The following PSTPIP1 variants were observed in gnomAD, a reference collection of about 807,000 sequenced individuals.
PSTPIP1 encodes proline-serine-threonine phosphatase interacting protein 1, also known as proline-serine-threonine phosphatase-interacting protein 1.
In PSTPIP1, 66 loss-of-function variants were observed where a neutral mutation model predicts 69.6. The ratio of observed to expected loss-of-function variants is 0.95; its 90% CI spans 0.78 to 1.16. The LOEUF is 1.16. PSTPIP1 is among the 50% of genes most tolerant of loss of function. The pLI is 0.00. For synonymous variants in PSTPIP1, 266 were observed against 222.7 expected, an observed-to-expected ratio of 1.19 and a Z score of -1.73; for missense variants, 603 against 557.4, an observed-to-expected ratio of 1.08 and a Z score of -0.82.
intron 7 of PSTPIP1, among the ~76,000 whole-genome samples, 153 bp downstream of exon 7, chr15:77,028,805 G>C (rs2076348364): frequency 6.6e-6 from 1 of 152,230 alleles, no homozygotes; most frequent in South Asian, 2.1e-4. Flanking sequence ...TGTGAAATGG[G>C]TTTCCTGGAG....
chr15:77,020,873 G>T (rs962793066), intron 3 of PSTPIP1, among the ~76,000 whole-genome samples: 13 of 142,364 alleles, frequency 9.1e-5, no homozygotes, highest in South Asian at 6.7e-4. Flanking sequence ...TCCTGTGGGG[G>T]GGGGGGGTGT....
chr15:76,995,810 G>A (rs114245955), intron 1 of PSTPIP1, among the ~76,000 whole-genome samples: 325 of 152,302 alleles, frequency 2.1e-3, no homozygotes, highest in South Asian at 3.9e-3. Flanking sequence ...GTGAATGAGC[G>A]TCCTCCTCTC....
intron 8 of PSTPIP1, 142 bp downstream of exon 8, chr15:77,029,716 G>A (rs973050556): frequency 1.5e-5 from 15 of 1,030,006 alleles, no homozygotes; most frequent in East Asian, 8.0e-5. Context: ...GATATGTGCC[G>A]TCAAAGTAAA....
intron 9 of PSTPIP1, 78 bp downstream of exon 9, chr15:77,030,659 G>T: frequency 7.2e-7 from 1 of 1,387,168 alleles, no homozygotes; most frequent in East Asian, 2.5e-5. Context: ...CTGCTTAAAG[G>T]GGCCCAAGTG....
intron 1 of PSTPIP1, among the ~76,000 whole-genome samples, chr15:77,002,638 A>G (rs965810798): frequency 9.2e-5 from 14 of 152,172 alleles, no homozygotes; most frequent in African/African-American, 3.1e-4. Context: ...CTCAGGTGTT[A>G]GAAGATTGCA....
intron 1 of PSTPIP1, among the ~76,000 whole-genome samples, chr15:77,006,472 C>G (rs1483397694): frequency 4.6e-5 from 7 of 152,168 alleles, no homozygotes; most frequent in Non-Finnish European, 8.8e-5. Flanking sequence ...TGTGTCTACT[C>G]TTTGTTTTGT....
rs555010436 is a variant in PSTPIP1, at chr15:77,018,641, G to A, written c.212+110G>A. Reference sequence around the variant, plus strand: ...ATGGGGGAGGCTGGGCAGAACCAGGGTAGGTCTGGATTGCTCCTTGGTGCC... The same window carrying A: ...ATGGGGGAGGCTGGGCAGAACCAGGATAGGTCTGGATTGCTCCTTGGTGCC... On this transcript the variant is annotated intron_variant, in intron 3 of 14. Coordinates refer to ENST00000558012, the MANE Select transcript of PSTPIP1 (RefSeq NM_003978.5). The A allele has an allele frequency of 5.9e-5, 72 of 1,214,268 alleles. No individual in the cohort carries two copies. In the East Asian group the frequency reaches 1.7e-3, roughly 29 times the overall value. The allele number at this position is 1,214,268 out of a possible 1,614,324, so 75.2% of individuals were successfully genotyped here.
In PSTPIP1 at chr15:77,032,363, C is replaced by G; in HGVS notation, c.807C>G (p.Ile269Met). The stretch of plus-strand genomic sequence containing the variant: ...TAGACGCCGACATCGACAGTTTCAT[C>G]CAGGCCAAGAGCACGGGCACAGAGC... ...CSIDADIDSF[I>M]QAKSTGTEPP... Residue 269 changes from isoleucine (I) to methionine (M), a missense_variant, in exon 11 of 15, where the codon ATC becomes ATG. Physicochemically the swap from Ile to Met is conservative, Grantham distance 10. Coordinates refer to ENST00000558012, the MANE Select transcript of PSTPIP1 (RefSeq NM_003978.5). 5 of 1,612,698 alleles carry G rather than the reference C, an allele frequency of 3.1e-6. No individual in the cohort carries two copies. Among genetic ancestry groups the G allele is most frequent in the Non-Finnish European group, 4.2e-6 (5 of 1,179,788 alleles).
upstream of PSTPIP1, chr15:76,994,779 G>A (rs760741524): frequency 1.8e-5 from 23 of 1,289,014 alleles, no homozygotes; most frequent in African/African-American, 3.0e-5. Context: ...TCCCAGAGCA[G>A]CCAGGGTTTG....
chr15:77,000,498 CACACAT>C (rs1222944125), intron 1 of PSTPIP1, among the ~76,000 whole-genome samples: 23 of 149,398 alleles, frequency 1.5e-4, no homozygotes, highest in South Asian at 4.2e-4. Context: ...CACACACACA[CACACAT>C]ACACACACAC....
intron 1 of PSTPIP1, among the ~76,000 whole-genome samples, chr15:77,014,162 C>T (rs866262158): frequency 4.6e-5 from 7 of 152,126 alleles, no homozygotes; most frequent in African/African-American, 7.2e-5. Context: ...CAGCTGCACC[C>T]GGCAGGTCCC....
chr15:77,037,399 G>A lies in PSTPIP1; in HGVS notation c.*223G>A. Reference sequence around the variant, plus strand: ...GTGTCCGAGTGCTCAGTTCAGAGGAGGCAAAGGAACAAGGGAAGGAGCCTG... The same window carrying A: ...GTGTCCGAGTGCTCAGTTCAGAGGAAGCAAAGGAACAAGGGAAGGAGCCTG... On this transcript the variant is annotated 3_prime_UTR_variant, in exon 15 of 15. Coordinates refer to ENST00000558012, the MANE Select transcript of PSTPIP1 (RefSeq NM_003978.5). The A allele has an allele frequency of 6.1e-6, 3 of 494,906 alleles. No individual in the cohort carries two copies. The highest frequency in any genetic ancestry group is 4.2e-5 in the East Asian group (1 of 23,742). The allele number at this position is 494,906 out of a possible 1,614,324, so 30.7% of individuals were successfully genotyped here.
At chr15:77,022,190 G>A (rs145198321) in intron 3 of PSTPIP1, among the ~76,000 whole-genome samples, 4 of 152,324 alleles carry the variant, frequency 2.6e-5, no homozygotes, top group East Asian at 1.9e-4. Flanking sequence ...ACATTGCTGA[G>A]GATATTGGCG....
intron 1 of PSTPIP1, among the ~76,000 whole-genome samples, chr15:77,012,747 A>G (rs977524104): frequency 1.3e-5 from 2 of 152,220 alleles, no homozygotes; most frequent in Non-Finnish European, 2.9e-5. Flanking sequence ...GGACTGTTGT[A>G]AGAAGTAGAG....
chr15:77,021,027 C>T (rs955513118), intron 3 of PSTPIP1, among the ~76,000 whole-genome samples: 2 of 152,218 alleles, frequency 1.3e-5, no homozygotes, highest in African/African-American at 4.8e-5. Context: ...ATGCTCATTC[C>T]CTGCCCCTTG....
intron 5 of PSTPIP1, 97 bp downstream of exon 5, chr15:77,025,701 G>T (rs2152684086): frequency 2.1e-5 from 19 of 895,412 alleles, no homozygotes; most frequent in East Asian, 3.1e-5. Context: ...AGAGCCAGTG[G>T]AGGGCGGCAG....
intron 1 of PSTPIP1, among the ~76,000 whole-genome samples, chr15:77,000,494 CACACACACAT>C (rs2075684618): frequency 2.0e-5 from 3 of 149,092 alleles, no homozygotes; most frequent in Non-Finnish European, 2.9e-5. Context: ...CACACACACA[CACACACACAT>C]ACACACACAC....
chr15:77,009,535 C>G (rs1260715792), intron 1 of PSTPIP1, among the ~76,000 whole-genome samples: 5 of 152,322 alleles, frequency 3.3e-5, no homozygotes, highest in African/African-American at 1.2e-4. Flanking sequence ...AGTGTCCCAG[C>G]TAGGATCAAA....
Position 77,032,376 on chromosome 15 carries a change from A to G in PSTPIP1, c.820A>G (p.Thr274Ala). 2 of 1,612,682 alleles carry G rather than the reference A, an allele frequency of 1.2e-6. No individual in the cohort carries two copies. The highest frequency in any genetic ancestry group is 1.7e-6 in the Non-Finnish European group (2 of 1,179,792). ...DIDSFIQAKS[T>A]GTEPPAPVPY... ...CGACAGTTTCATCCAGGCCAAGAGCACGGGCACAGAGCCCCCCGGTGAGGT... is the reference window on the plus strand; with the variant it reads ...CGACAGTTTCATCCAGGCCAAGAGCGCGGGCACAGAGCCCCCCGGTGAGGT... The change falls in exon 11 of 15, where the codon ACG becomes GCG. Residue 274 changes from threonine (T) to alanine (A), a missense_variant. Thr to Ala is a moderately conservative substitution (Grantham distance 58). Coordinates refer to ENST00000558012, the MANE Select transcript of PSTPIP1 (RefSeq NM_003978.5).
Sources: allele counts gnomAD v4.1 joint callset (sites outside exome capture counted in the v4.1 genomes callset), GRCh38; gene constraint gnomAD v4.1.1; transcripts MANE v1.5; gene names NCBI Gene and HGNC (gene_info 2026-07-23, HGNC 2026-07-21).